Variants in PSMA4 observed in about 807,000 individuals in gnomAD.
The protein encoded by PSMA4 is proteasome 20S subunit alpha 4.
PSMA4 carries 8 observed loss-of-function variants against 37.2 expected under a neutral mutation model. The ratio of observed to expected loss-of-function variants is 0.22; its 90% confidence interval spans 0.13 to 0.39. The LOEUF (loss-of-function observed/expected upper bound fraction) is 0.39, where lower values mean the gene tolerates loss of function less well. Ranked by LOEUF, PSMA4 falls within the 10% of genes least tolerant of loss-of-function variation. The pLI, the probability that PSMA4 is intolerant of heterozygous loss-of-function variation, is 1.00. For missense variants in PSMA4, 169 were observed against 305.1 expected (o/e 0.55, Z 3.32); for synonymous variants, 93 against 98.8 (o/e 0.94, Z 0.35).
At position 78,552,354 on chromosome 15, in the gene PSMA4, T is replaced by C. The variant is rs2052653316; in HGVS notation, c.*3410T>C. The C allele has an allele frequency of 6.6e-6, 1 of 152,220 alleles. No homozygotes were observed. Among genetic ancestry groups the C allele is most frequent in the Non-Finnish European group, 1.5e-5 (1 of 68,030 alleles). 9.4% of individuals were successfully genotyped at this position (152,220 alleles called of 1,614,324 possible). A position where few individuals can be genotyped will look rare whatever the true frequency, so the allele number is the denominator to read the frequency against. ...TTGAGTCAAAACTTTAAAATCAAAG[T>C]CAAATTGATTTCATTTTGGTGAGCT... On this transcript the variant is annotated 3_prime_UTR_variant, in exon 9 of 9. Transcript: ENST00000044462.
At chr15:78,548,489 C>G (rs2052595510) in intron 8 of PSMA4, among the ~76,000 whole-genome samples, 2 of 152,106 alleles carry the variant, frequency 1.3e-5, no homozygotes, top group African/African-American at 4.8e-5. Flanking sequence ...TCCAACAGTT[C>G]CGTCTAATCA....
chr15:78,541,876 T>G, intron 1 of PSMA4, 29 bp from the exon 2 acceptor site: 6 of 1,515,292 alleles, frequency 4.0e-6, no homozygotes, highest in Non-Finnish European at 4.6e-6. Flanking sequence ...GAATCTTATT[T>G]TAATGATGAT....
chr15:78,545,304 G>A (rs895683612), intron 6 of PSMA4, among the ~76,000 whole-genome samples: 4 of 152,152 alleles, frequency 2.6e-5, no homozygotes, highest in Non-Finnish European at 4.4e-5. Context: ...ATGAATGAAC[G>A]TGTTCCTCCA....
At position 78,546,687 on chromosome 15, in the gene PSMA4, C is replaced by G; in HGVS notation, c.620C>G (p.Ser207Cys). ...AAGACCATGGATGTTAGTAAACTCT[C>G]TGCTGAAAAAGGTAATTCATATCCT... The part of the protein sequence containing the change: ...LNKTMDVSKL[S>C]AEKVEIATLT... The change falls in exon 8 of 9, where the codon TCT becomes TGT. Residue 207 changes from serine to cysteine, a missense_variant. Transcript: ENST00000044462. The G allele has an allele frequency of 6.3e-7, 1 of 1,597,860 alleles. No homozygotes were observed. Among genetic ancestry groups the G allele is most frequent in the South Asian group, 1.2e-5 (1 of 86,714 alleles).
chr15:78,547,404 G>A (rs1470530632), intron 8 of PSMA4, among the ~76,000 whole-genome samples: 1 of 152,168 alleles, frequency 6.6e-6, no homozygotes, highest in African/African-American at 2.4e-5. Context: ...ACATAGGTTT[G>A]GTATACTTTA....
At chr15:78,545,881 A>G in intron 7 of PSMA4, 117 bp downstream of exon 7, 8 of 1,120,340 alleles carry the variant, frequency 7.1e-6, no homozygotes, top group Admixed American at 4.4e-5. Context: ...TTAATGTGAT[A>G]TGGAAATATC....
intron 4 of PSMA4, among the ~76,000 whole-genome samples, chr15:78,543,075 T>G (rs1049561125): frequency 6.6e-6 from 1 of 152,196 alleles, no homozygotes; most frequent in African/African-American, 2.4e-5. Context: ...CTACGCAGGA[T>G]TTTGTTGAAT....
In PSMA4 at chr15:78,544,131, A is replaced by T; in HGVS notation, c.210-59A>T. The T allele has an allele frequency of 4.6e-6, 6 of 1,306,114 alleles. 1 individual carries two copies. The South Asian group carries it at 7.5e-5, about 16-fold the overall frequency. 80.9% of individuals were successfully genotyped at this position (1,306,114 alleles called of 1,614,324 possible). A position where few individuals can be genotyped will look rare whatever the true frequency, so the allele number is the denominator to read the frequency against. On this transcript the variant is annotated intron_variant, in intron 4 of 8. Coordinates refer to ENST00000044462, the MANE Select transcript of PSMA4 (RefSeq NM_002789.6). ...AGAAATTAGAATTTTTTAAATACTT[A>T]TAAACACTCCTTGCAAGCATCTTCC...
At chr15:78,544,822 T>TCGC (rs1484211095) in intron 5 of PSMA4, 47 bp from the exon 6 acceptor site, 2 of 1,295,826 alleles carry the variant, frequency 1.5e-6, no homozygotes, top group Non-Finnish European at 2.2e-6. Context: ...TTAGAGTCTG[T>TCGC]CTGTGTTTTA....
chr15:78,547,296 G>T (rs1292607903), intron 8 of PSMA4, among the ~76,000 whole-genome samples: 2 of 152,146 alleles, frequency 1.3e-5, no homozygotes, highest in Non-Finnish European at 2.9e-5. Context: ...ATCCTGCACT[G>T]TGCTACTTTT....
At chr15:78,541,615 T>C in intron 1 of PSMA4, 1 of 380,548 alleles carries the variant, frequency 2.6e-6, no homozygotes, top group Non-Finnish European at 4.8e-6. Flanking sequence ...TTTCATTTTC[T>C]GTATCGATTT....
chr15:78,542,177 TC>T lies in PSMA4; in HGVS notation c.5del (p.Ser2PhefsTer37), dbSNP rs2052465806. The T allele has an allele frequency of 6.2e-7, 1 of 1,612,028 alleles. No individual in the cohort carries two copies. Among genetic ancestry groups the T allele is most frequent in the Admixed American group, 1.7e-5 (1 of 59,616 alleles). On this transcript the variant is annotated frameshift_variant and splice_region_variant, in exon 3 of 9. Transcript: ENST00000044462. LOFTEE classifies it high-confidence loss of function. ...TCACTCATGTGTTTTTCCTTTGCAGTCTCGAAGATATGACTCCAGGACCACT... is the reference window on the plus strand; with the variant it reads ...TCACTCATGTGTTTTTCCTTTGCAGTTCGAAGATATGACTCCAGGACCACT... M[S>X]RRYDSRTTIF...
rs368528101 is a variant in PSMA4 at position 78,542,592 on chromosome 15, C to T, written c.156C>T (p.Ile52=). ...TGCTTGCAGCAGAGAGACGCAACAT[C>T]CACAAGCTTCTTGATGAAGTCTTTT... ...GVLLAAERRN[I]HKLLDEVFFS... Residue 52 remains isoleucine (I), a synonymous_variant, in exon 4 of 9, where the codon ATC becomes ATT. Transcript: ENST00000044462. The T allele has an allele frequency of 4.3e-6, 7 of 1,613,092 alleles. No individual in the cohort carries two copies. The highest frequency in any genetic ancestry group is 4.5e-5 in the East Asian group (2 of 44,880).
chr15:78,542,214 C>G lies in PSMA4; in HGVS notation c.41C>G (p.Pro14Arg). The G allele has an allele frequency of 6.3e-7, 1 of 1,599,786 alleles. No homozygotes were observed. The highest frequency in any genetic ancestry group is 8.5e-7 in the Non-Finnish European group (1 of 1,175,266). ...RYDSRTTIFSPEGRLYQVEYA... is the reference protein window; with the variant it reads ...RYDSRTTIFSREGRLYQVEYA... ...GACTCCAGGACCACTATATTTTCTC[C>G]AGAAGGTAAAATAGAAATTGTTTAA... is the stretch of plus-strand genomic sequence containing the variant. Residue 14 changes from proline to arginine, a missense_variant, in exon 3 of 9, where the codon CCA becomes CGA. Transcript: ENST00000044462.
Position 78,549,131 on chromosome 15 carries a change from A to G in PSMA4, c.*187A>G, listed in dbSNP as rs2052608746. 2 of 915,898 alleles carry G rather than the reference A, an allele frequency of 2.2e-6. No homozygotes were observed. 56.7% of individuals were successfully genotyped at this position (915,898 alleles called of 1,614,324 possible). A position where few individuals can be genotyped will look rare whatever the true frequency, so the allele number is the denominator to read the frequency against. On this transcript the variant is annotated 3_prime_UTR_variant, in exon 9 of 9. Coordinates refer to ENST00000044462, the MANE Select transcript of PSMA4 (RefSeq NM_002789.6). ...ATTGTAACGATGATGGTTACCCTTC[A>G]TGGACGTCTTAATCTTCCACACACA...
chr15:78,546,253 G>A (rs188699973), intron 7 of PSMA4, among the ~76,000 whole-genome samples: 7 of 152,206 alleles, frequency 4.6e-5, no homozygotes, highest in African/African-American at 1.4e-4. Context: ...AGACCAGCCT[G>A]GGCAACATAG....
At chr15:78,547,995 C>G (rs1000774740) in intron 8 of PSMA4, among the ~76,000 whole-genome samples, 2 of 149,740 alleles carry the variant, frequency 1.3e-5, no homozygotes, top group South Asian at 4.3e-4. Flanking sequence ...TTTGGGAGGC[C>G]GAGGTGGGTG....
At position 78,542,160 on chromosome 15, in the gene PSMA4, G is replaced by A. The variant is rs189804594; in HGVS notation, c.4-17G>A. ...CTTTCAGTGGGTAGGAATCACTCAT[G>A]TGTTTTTCCTTTGCAGTCTCGAAGA... On this transcript the variant is annotated splice_polypyrimidine_tract_variant and intron_variant, in intron 2 of 8. Transcript: ENST00000044462. 1.6e-5 allele frequency: 26 copies of A among 1,611,362 alleles called. No individual in the cohort carries two copies. The East Asian group carries it at 5.3e-4, about 33-fold the overall frequency.
At chr15:78,547,531 A>G (rs183160996) in intron 8 of PSMA4, among the ~76,000 whole-genome samples, 1 of 152,316 alleles carries the variant, frequency 6.6e-6, no homozygotes, top group East Asian at 1.9e-4. Flanking sequence ...CTTAAGCTAT[A>G]TGACTATATA....
Sources: gnomAD v4.1 joint callset for allele counts (sites outside exome capture counted in the v4.1 genomes callset) on GRCh38, gnomAD v4.1.1 for gene constraint, MANE v1.5 for transcripts, NCBI Gene and HGNC (gene_info 2026-07-23, HGNC 2026-07-21) for gene names.